The following TMEM63A variants were observed in gnomAD, a reference collection of about 807,000 sequenced individuals.
TMEM63A encodes the protein mechanosensitive cation channel TMEM63A.
TMEM63A carries 76 observed loss-of-function variants against 100.6 expected under a neutral mutation model. The ratio of observed to expected loss-of-function variants is 0.76; its 90% CI spans 0.63 to 0.91. TMEM63A has a LOEUF of 0.91. Ranked by LOEUF, TMEM63A falls within the 40% of genes least tolerant of loss-of-function variation. The probability of loss-of-function intolerance (pLI) is 0.00; values close to 1 mark genes in which losing one functional copy is unlikely to be tolerated. For synonymous variants in TMEM63A, 401 were observed against 401.1 expected (o/e 1.00, Z 0.00); for missense variants, 876 against 1,008.8 (o/e 0.87, Z 1.78).
rs1270068234 is a variant in TMEM63A, at chr1:225,874,353, C to T, written c.201G>A (p.Val67=). ...DVSCFLFLIL[V]FSIIRRRFWD... ...AGAATCTTCTTCTTATAATAGAAAA[C>T]ACCAAGATTAAGAACTAAAAACAGA... The change falls in exon 4 of 25, where the codon GTG becomes GTA. Residue 67 remains valine, a synonymous_variant. Transcript: ENST00000366835. 4 of 1,613,444 alleles carry T rather than the reference C, an allele frequency of 2.5e-6. No individual in the cohort carries two copies. Among genetic ancestry groups the T allele is most frequent in the Non-Finnish European group, 2.5e-6 (3 of 1,179,876 alleles).
rs1253229303 is a variant in TMEM63A, at chr1:225,856,595, G to A, written c.1571+57C>T. 3 of 1,567,776 alleles carry A rather than the reference G, an allele frequency of 1.9e-6. No homozygotes were observed. The East Asian group carries it at 6.7e-5, about 35-fold the overall frequency. ...AACCGTTTGCATTCTCCTGGGGACA[G>A]TGCTCTCCTGATGTGACTCTTATTC... On this transcript the variant is annotated intron_variant, in intron 17 of 24. Transcript: ENST00000366835.
chr1:225,854,604 A>C (rs2102604759), intron 18 of TMEM63A, among the ~76,000 whole-genome samples: 1 of 152,322 alleles, frequency 6.6e-6, no homozygotes, highest in Non-Finnish European at 1.5e-5. Context: ...GTAAAAGTCG[A>C]GAGTTTGGTT....
rs746281146 is a variant in TMEM63A at position 225,872,017 on chromosome 1, G to A, written c.303C>T (p.Ser101=). ...CATTTTCAAAGTCTTGTTGACCTGA[G>A]GAGGAAGTCGATGACAATCTCTGAA... ...SRFQRLSSTS[S]SGQQDFENEL... Residue 101 remains serine, a synonymous_variant, in exon 5 of 25, where the codon TCC becomes TCT. Coordinates refer to ENST00000366835, the MANE Select transcript of TMEM63A (RefSeq NM_014698.3). 2.5e-6 allele frequency: 4 copies of A among 1,613,450 alleles called. No homozygotes were observed. Among genetic ancestry groups the A allele is most frequent in the South Asian group, 1.1e-5 (1 of 91,058 alleles).
chr1:225,848,967 AG>A lies in TMEM63A; in HGVS notation c.2116del (p.Leu706SerfsTer21), dbSNP rs780777070. On this transcript the variant is annotated frameshift_variant, in exon 22 of 25. Transcript: ENST00000366835. LOFTEE classifies it high-confidence loss of function. ...GTGAGCCAGGCAGACCAGGATGGTG[AG>A]CAGCAGCACCAGGAAGGTGAACAGA... ...ATLFTFLVLL[L>X]TILVCLAHTC... is the part of the protein sequence containing the mutation. 6.3e-7 allele frequency: 1 copy of A among 1,577,050 alleles called. No individual in the cohort carries two copies. The highest frequency in any genetic ancestry group is 1.7e-5 in the Admixed American group (1 of 57,320).
intron 3 of TMEM63A, among the ~76,000 whole-genome samples, chr1:225,876,647 TG>T (rs1670816705): frequency 4.9e-5 from 5 of 102,614 alleles, no homozygotes; most frequent in Admixed American, 2.1e-4. Flanking sequence ...TTCTTTTTTT[TG>T]TTTTTTTGGT....
chr1:225,875,693 C>A (rs1316944755), intron 3 of TMEM63A, among the ~76,000 whole-genome samples: 1 of 152,102 alleles, frequency 6.6e-6, no homozygotes, highest in Non-Finnish European at 1.5e-5. Flanking sequence ...CAGACACTTC[C>A]CACAAACCCA....
In TMEM63A at chr1:225,858,948, A is replaced by ATGTGTG. The variant is rs57543496; in HGVS notation, c.1377+242_1377+247dup. Among the ~76,000 whole-genome samples the ATGTGTG allele has an allele frequency of 7.7e-4, 107 of 139,752 alleles. 1 individual carries two copies. The highest frequency in any genetic ancestry group is 2.5e-3 in the African/African-American group (92 of 37,006). 91.7% of individuals were successfully genotyped at this position (139,752 alleles called of 152,430 possible). A position where few individuals can be genotyped will look rare whatever the true frequency, so the allele number is the denominator to read the frequency against. On this transcript the variant is annotated intron_variant, in intron 15 of 24. Transcript: ENST00000366835. ...GCATGTGTGTGTATATATACATATA[A>ATGTGTG]TGTGTGTGTGTGTGTGTGTGTGTGT...
chr1:225,847,125 A>T lies in TMEM63A; in HGVS notation c.2339T>A (p.Ile780Asn). The change falls in exon 24 of 25, where the codon ATC becomes AAC. Residue 780 changes from isoleucine (I) to asparagine (N), a missense_variant. Transcript: ENST00000366835. ...QQQQQQTYGAIHNISGTIPGQ... is the reference protein window; with the variant it reads ...QQQQQQTYGANHNISGTIPGQ... ...AGGGATAGTCCCGCTGATGTTGTGGATGGCACCATAGGTCTGCTGCTGCTG... is the reference window on the plus strand; with the variant it reads ...AGGGATAGTCCCGCTGATGTTGTGGTTGGCACCATAGGTCTGCTGCTGCTG... The T allele has an allele frequency of 6.2e-7, 1 of 1,613,654 alleles. No homozygotes were observed. Among genetic ancestry groups the T allele is most frequent in the Non-Finnish European group, 8.5e-7 (1 of 1,179,892 alleles).
At chr1:225,850,135 G>A in intron 20 of TMEM63A, 56 bp from the exon 21 acceptor site, 3 of 1,584,824 alleles carry the variant, frequency 1.9e-6, no homozygotes, top group South Asian at 1.1e-5. Context: ...AGACACCTCT[G>A]TCCTCTTCCT....
downstream of TMEM63A, chr1:225,845,075 AC>A: frequency 1.3e-6 from 2 of 1,540,354 alleles, no homozygotes; most frequent in Non-Finnish European, 9.0e-7. Context: ...AGGCGCTTTA[AC>A]CCCCTGCTGT....
downstream of TMEM63A, chr1:225,845,149 G>A: frequency 6.2e-7 from 1 of 1,614,054 alleles, no homozygotes; most frequent in Non-Finnish European, 8.5e-7. Context: ...CTTCCAGGAT[G>A]AAGGTCTATG....
At position 225,859,345 on chromosome 1, in the gene TMEM63A, T is replaced by C; in HGVS notation, c.1228A>G (p.Asn410Asp). The C allele has an allele frequency of 6.2e-7, 1 of 1,613,848 alleles. No homozygotes were observed. The highest frequency in any genetic ancestry group is 2.2e-5 in the East Asian group (1 of 44,874). Reference protein sequence around the residue: ...AADPEDICWKNLSIQGLRWWL... With the variant: ...AADPEDICWKDLSIQGLRWWL... ...CAGCGGAGGCCCTGGATAGAGAGGT[T>C]CTTCCTGCAGCGGGAGAGGGGATAC... Residue 410 changes from asparagine to aspartate, a missense_variant, in exon 15 of 25, where the codon AAC becomes GAC. Asn to Asp is a conservative substitution (Grantham distance 23, BLOSUM62 1). This residue lies in a region of TMEM63A where 487 missense variants were observed against 581.9 expected (regional missense o/e 0.84). Coordinates refer to ENST00000366835, the MANE Select transcript of TMEM63A (RefSeq NM_014698.3).
At chr1:225,869,049 G>A (rs1196182983) in intron 6 of TMEM63A, among the ~76,000 whole-genome samples, 1 of 152,218 alleles carries the variant, frequency 6.6e-6, no homozygotes, top group African/African-American at 2.4e-5. Flanking sequence ...GAGCTCAGGG[G>A]GGCAAGGGCT....
At chr1:225,844,838 C>G (rs1668799067), downstream of TMEM63A, among the ~76,000 whole-genome samples, 1 of 152,172 alleles carries the variant, frequency 6.6e-6, no homozygotes, top group African/African-American at 2.4e-5. Flanking sequence ...GCCCTCAGTA[C>G]CGCTCCCCAG....
Position 225,853,787 on chromosome 1 carries a change from C to A in TMEM63A, c.1639G>T (p.Val547Phe), listed in dbSNP as rs759582890. Residue 547 changes from valine (V) to phenylalanine (F), a missense_variant, in exon 19 of 25, where the codon GTC becomes TTC. Around this residue, in one of 5 missense-constraint regions of TMEM63A, gnomAD observed 339 missense variants for 342.3 expected, o/e 0.99. Coordinates refer to ENST00000366835, the MANE Select transcript of TMEM63A (RefSeq NM_014698.3). The surrounding 1 kb of genome is among the most constrained non-coding windows in gnomAD (Gnocchi z 4.0). Reference protein sequence around the residue: ...SSEASIRLECVFLPDQGAFFV... With the variant: ...SSEASIRLECFFLPDQGAFFV... The stretch of plus-strand genomic sequence containing the variant: ...AAGGCACCCTGGTCAGGCAGGAAGA[C>A]GCACCTGGGGAAACCAGGGCCCAGG... 6.2e-7 allele frequency: 1 copy of A among 1,600,106 alleles called. No individual in the cohort carries two copies. The highest frequency in any genetic ancestry group is 8.5e-7 in the Non-Finnish European group (1 of 1,172,896).
chr1:225,862,588 T>G lies in TMEM63A; in HGVS notation c.828-10A>C, dbSNP rs1252540937. On this transcript the variant is annotated splice_polypyrimidine_tract_variant and intron_variant, in intron 11 of 24. Coordinates refer to ENST00000366835, the MANE Select transcript of TMEM63A (RefSeq NM_014698.3). The surrounding 1 kb of genome is among the most constrained non-coding windows in gnomAD (Gnocchi z 5.1). ...CTTCTCAGTCTTCTTTCTGTAGGGG[T>G]GGGAGCGGGGGCACAAACCTCAGAT... The G allele has an allele frequency of 6.2e-7, 1 of 1,611,560 alleles. No homozygotes were observed. The highest frequency in any genetic ancestry group is 2.2e-5 in the East Asian group (1 of 44,790).
chr1:225,840,884 A>C (rs1668341448), downstream of TMEM63A: 2 of 152,248 alleles, frequency 1.3e-5, no homozygotes, highest in Non-Finnish European at 2.9e-5. Context: ...GGCAGCTCAT[A>C]ATCATAATAA....
chr1:225,840,941 GT>G (rs1475987499), downstream of TMEM63A: 4 of 150,994 alleles, frequency 2.6e-5, no homozygotes, highest in African/African-American at 4.8e-5. Flanking sequence ...TAAAATACAT[GT>G]TGTCAAAAAG....
chr1:225,873,124 T>C (rs775750122), intron 4 of TMEM63A, among the ~76,000 whole-genome samples: 2 of 152,120 alleles, frequency 1.3e-5, no homozygotes, highest in Admixed American at 6.5e-5. Flanking sequence ...CGTGACCTCA[T>C]GGGGAAGAGA....
Sources: allele counts gnomAD v4.1 joint callset (sites outside exome capture counted in the v4.1 genomes callset), GRCh38; gene constraint gnomAD v4.1.1; regional missense constraint gnomAD v4.1.1; non-coding constraint Gnocchi (gnomAD v3.1); transcripts MANE v1.5; gene names NCBI Gene and HGNC (gene_info 2026-07-23, HGNC 2026-07-21).